The following FHIP2A variants were observed in gnomAD, a reference collection of about 807,000 sequenced individuals.
FHIP2A encodes the protein family with sequence similarity 160 member B1.
Under a neutral mutation model 93.5 loss-of-function variants are expected in FHIP2A, and 46 were observed. The observed-to-expected ratio is 0.49, with a 90% CI of 0.39 to 0.63. The LOEUF is 0.63. FHIP2A is among the 20% of genes least tolerant of loss of function. The pLI is 0.00. For synonymous variants in FHIP2A, 332 were observed against 326.5 expected, an observed-to-expected ratio of 1.02 and a Z score of -0.18; for missense variants, 769 against 909.7, an observed-to-expected ratio of 0.85 and a Z score of 1.99.
chr10:114,861,632 G>C lies in FHIP2A; in HGVS notation c.*92G>C. 6.6e-7 allele frequency: 1 copy of C among 1,507,884 alleles called. No homozygotes were observed. The highest frequency in any genetic ancestry group is 1.3e-5 in the South Asian group (1 of 75,996). 93.4% of individuals were successfully genotyped at this position (1,507,884 alleles called of 1,614,324 possible). A position where few individuals can be genotyped will look rare whatever the true frequency, so the allele number is the denominator to read the frequency against. ...CCACCCAGCCACAAGAGGATAAAAA[G>C]CCTTTTTAAACGCAGTATTGCTGTA... On this transcript the variant is annotated 3_prime_UTR_variant, in exon 17 of 17. Transcript: ENST00000369248.
chr10:114,891,423 A>G (rs2083973369), intron 16 of FHIP2A, among the ~76,000 whole-genome samples: 1 of 151,850 alleles, frequency 6.6e-6, no homozygotes, highest in Admixed American at 6.6e-5. Flanking sequence ...TACAGTATAT[A>G]AAACCTTTAA....
intron 5 of FHIP2A, among the ~76,000 whole-genome samples, chr10:114,836,501 A>G (rs983870936): frequency 6.6e-6 from 1 of 152,222 alleles, no homozygotes; most frequent in Non-Finnish European, 1.5e-5. Flanking sequence ...AAAAGAGGAC[A>G]GCTTGAAGGT....
At chr10:114,858,268 G>A (rs1226115782) in intron 14 of FHIP2A, among the ~76,000 whole-genome samples, 1 of 152,174 alleles carries the variant, frequency 6.6e-6, no homozygotes, top group African/African-American at 2.4e-5. Flanking sequence ...CCATTTCAGA[G>A]TACAGTGAAA....
Position 114,831,036 on chromosome 10 carries a change from A to G in FHIP2A, c.124+106A>G, listed in dbSNP as rs574175983. Reference sequence around the variant, plus strand: ...AAGTCTCCAAAGTTATTTTATATTTAAGTTTATAGACAATCTTATCTTTGT... The same window carrying G: ...AAGTCTCCAAAGTTATTTTATATTTGAGTTTATAGACAATCTTATCTTTGT... On this transcript the variant is annotated intron_variant, in intron 2 of 16. Transcript: ENST00000369248. 4.8e-6 allele frequency: 3 copies of G among 623,976 alleles called. No homozygotes were observed. In the East Asian group the frequency reaches 9.1e-5, roughly 19 times the overall value. 38.7% of individuals were successfully genotyped at this position (623,976 alleles called of 1,614,324 possible). A position where few individuals can be genotyped will look rare whatever the true frequency, so the allele number is the denominator to read the frequency against.
chr10:114,824,840 A>G (rs532310149), intron 1 of FHIP2A, among the ~76,000 whole-genome samples: 2 of 152,262 alleles, frequency 1.3e-5, no homozygotes, highest in Admixed American at 6.5e-5. Flanking sequence ...CAGTATTCCA[A>G]TTAACATAGT....
chr10:114,864,338 A>G lies in FHIP2A; in HGVS notation c.*2798A>G. On this transcript the variant is annotated 3_prime_UTR_variant, in exon 17 of 17. Coordinates refer to ENST00000369248, the MANE Select transcript of FHIP2A (RefSeq NM_020940.4). ...CAGTGAAGTGCTAAAACCACACTATATGGTAATTATATTTTGGGTTATGTA... is the reference window on the plus strand; with the variant it reads ...CAGTGAAGTGCTAAAACCACACTATGTGGTAATTATATTTTGGGTTATGTA... The G allele has an allele frequency of 1.0e-6, 1 of 985,650 alleles. No individual in the cohort carries two copies. Among genetic ancestry groups the G allele is most frequent in the Non-Finnish European group, 1.2e-6 (1 of 829,728 alleles). The allele number at this position is 985,650 out of a possible 1,614,324, so 61.1% of individuals were successfully genotyped here. A position where few individuals can be genotyped will look rare whatever the true frequency, so the allele number is the denominator to read the frequency against.
At chr10:114,831,559 A>T (rs7897937) in intron 2 of FHIP2A, among the ~76,000 whole-genome samples, 1 of 151,992 alleles carries the variant, frequency 6.6e-6, no homozygotes, top group Non-Finnish European at 1.5e-5. Flanking sequence ...AAAGGCTACA[A>T]TTATGGGGAA....
intron 2 of FHIP2A, among the ~76,000 whole-genome samples, chr10:114,831,659 A>G (rs745337149): frequency 5.3e-5 from 8 of 152,268 alleles, no homozygotes; most frequent in Non-Finnish European, 1.0e-4. Flanking sequence ...GAAATGAGAC[A>G]TAACATTTCT....
In FHIP2A at chr10:114,835,566, G is replaced by T. The variant is rs1466445178; in HGVS notation, c.324G>T (p.Leu108Phe). ...DCPPGMKQQV[L>F]VFYTKLLGRI... is the part of the protein sequence containing the mutation. ...CTCCGGGAATGAAACAGCAGGTTTTGGTTTTCTATACGAAACTTCTGGGAA... is the reference window on the plus strand; with the variant it reads ...CTCCGGGAATGAAACAGCAGGTTTTTGTTTTCTATACGAAACTTCTGGGAA... Residue 108 changes from leucine (L) to phenylalanine (F), a missense_variant, in exon 4 of 17, where the codon TTG (leucine) becomes TTT (phenylalanine). Transcript: ENST00000369248. 6.2e-7 allele frequency: 1 copy of T among 1,612,966 alleles called. No homozygotes were observed. The highest frequency in any genetic ancestry group is 8.5e-7 in the Non-Finnish European group (1 of 1,179,156).
downstream of FHIP2A, among the ~76,000 whole-genome samples, chr10:114,867,162 T>TC (rs2083833421): frequency 6.7e-6 from 1 of 148,230 alleles, no homozygotes; most frequent in Non-Finnish European, 1.5e-5. Context: ...TGAGCAGAGA[T>TC]CACGCCACTG....
At chr10:114,890,520 C>T (rs111557162) in intron 16 of FHIP2A, among the ~76,000 whole-genome samples, 14,583 of 144,578 alleles carry the variant, frequency 0.1, 999 homozygotes, top group Non-Finnish European at 0.15. Context: ...ATAAAATATA[C>T]GCTATATATG....
At chr10:114,870,793 CCTT>C (rs2083855629) in intron 16 of FHIP2A, among the ~76,000 whole-genome samples, 1 of 152,100 alleles carries the variant, frequency 6.6e-6, no homozygotes, top group African/African-American at 2.4e-5. Context: ...AAGCTCTTGT[CCTT>C]CTGTTCCAAA....
At chr10:114,831,019 A>G in intron 2 of FHIP2A, 89 bp downstream of exon 2, 2 of 695,988 alleles carry the variant, frequency 2.9e-6, no homozygotes, top group Non-Finnish European at 4.8e-6. Context: ...GTAAGTCTCC[A>G]AAGTTATTTT....
At chr10:114,837,113 G>A (rs11196942) in intron 5 of FHIP2A, among the ~76,000 whole-genome samples, 68,148 of 151,822 alleles carry the variant, frequency 0.45, 15,448 homozygotes, top group Non-Finnish European at 0.48. Context: ...TGTGTTGTCC[G>A]GGCTGGTCTG....
chr10:114,842,469 G>T (rs1450844988), intron 5 of FHIP2A, among the ~76,000 whole-genome samples: 1 of 152,078 alleles, frequency 6.6e-6, no homozygotes, highest in Non-Finnish European at 1.5e-5. Context: ...TCTAATGCTG[G>T]TAACTTTTGA....
At chr10:114,883,082 A>C (rs17721259) in intron 16 of FHIP2A, among the ~76,000 whole-genome samples, 3,610 of 152,218 alleles carry the variant, frequency 0.024, 79 homozygotes, top group Non-Finnish European at 0.035. Context: ...ATATGGGTAG[A>C]AGGAGAAATT....
At chr10:114,858,180 T>C (rs1233739401) in intron 14 of FHIP2A, among the ~76,000 whole-genome samples, 1 of 152,198 alleles carries the variant, frequency 6.6e-6, no homozygotes, top group East Asian at 1.9e-4. Flanking sequence ...CCTCAAGTAA[T>C]AGATATAAAC....
rs1228129564 is a variant in FHIP2A, at chr10:114,846,683, C to A, written c.1523C>A (p.Pro508Gln). Reference protein sequence around the residue: ...RNYTEYKPLCPEDKDVVENGL... With the variant: ...RNYTEYKPLCQEDKDVVENGL... ...TATACAGAATATAAACCTTTGTGCC[C>A]AGAAGATAAAGATGTGGTAGAAAAT... is the stretch of plus-strand genomic sequence containing the variant. Residue 508 changes from proline to glutamine, a missense_variant, in exon 11 of 17, where the codon CCA becomes CAA. Pro to Gln is a moderately conservative substitution (Grantham distance 76). Coordinates refer to ENST00000369248, the MANE Select transcript of FHIP2A (RefSeq NM_020940.4). The A allele has an allele frequency of 1.2e-6, 2 of 1,609,032 alleles. No individual in the cohort carries two copies. The highest frequency in any genetic ancestry group is 1.3e-5 in the African/African-American group (1 of 74,670).
chr10:114,880,784 C>T (rs747815512), intron 16 of FHIP2A, among the ~76,000 whole-genome samples: 130 of 149,684 alleles, frequency 8.7e-4, no homozygotes, highest in Non-Finnish European at 1.6e-3. Context: ...GGAAGCACTC[C>T]GAGTGATTCT....
Sources: allele counts gnomAD v4.1 joint callset (sites outside exome capture counted in the v4.1 genomes callset), GRCh38; gene constraint gnomAD v4.1.1; transcripts MANE v1.5; gene names NCBI Gene and HGNC (gene_info 2026-07-23, HGNC 2026-07-21).